GPR137C: variants seen among roughly 807,000 people sequenced by gnomAD.
GPR137C encodes integral membrane protein GPR137C.
Under a neutral mutation model 43.4 loss-of-function variants are expected in GPR137C, and 27 were observed. The ratio of observed to expected loss-of-function variants is 0.62; its 90% CI spans 0.46 to 0.86. The LOEUF (loss-of-function observed/expected upper bound fraction) is 0.86. Among genes scored for constraint, GPR137C ranks in the 40% least tolerant of loss-of-function variants. The pLI is 0.00. For missense variants in GPR137C, 522 were observed against 534.6 expected (o/e 0.98, Z 0.23); for synonymous variants, 285 against 226.9 (o/e 1.26, Z -2.30).
chr14:52,585,994 G>A (rs11624771), intron 1 of GPR137C, among the ~76,000 whole-genome samples: 13,634 of 152,196 alleles, frequency 0.09, 678 homozygotes, highest in South Asian at 0.15. Context: ...TGTTACCTGC[G>A]CATGCAGTGG....
chr14:52,615,722 C>T (rs1048325768), intron 3 of GPR137C, among the ~76,000 whole-genome samples: 2 of 152,016 alleles, frequency 1.3e-5, no homozygotes, highest in African/African-American at 4.8e-5. Flanking sequence ...TTATTTGTGG[C>T]TATTATAAAT....
At chr14:52,565,675 C>T (rs1420442487) in intron 1 of GPR137C, among the ~76,000 whole-genome samples, 1 of 152,144 alleles carries the variant, frequency 6.6e-6, no homozygotes, top group Non-Finnish European at 1.5e-5. Flanking sequence ...TTTCTTCTTT[C>T]CACCTCCACA....
At chr14:52,603,800 A>G (rs1339534496) in intron 3 of GPR137C, among the ~76,000 whole-genome samples, 1 of 151,994 alleles carries the variant, frequency 6.6e-6, no homozygotes, top group African/African-American at 2.4e-5. Flanking sequence ...CAGCCTCCCA[A>G]AGTGCTGGGA....
At chr14:52,593,913 T>C (rs7155844) in intron 1 of GPR137C, among the ~76,000 whole-genome samples, 7,132 of 152,246 alleles carry the variant, frequency 0.047, 407 homozygotes, top group East Asian at 0.16. Flanking sequence ...GTTCTTTTAA[T>C]TGTGATGTTA....
intron 3 of GPR137C, among the ~76,000 whole-genome samples, chr14:52,608,063 T>C (rs1442003848): frequency 1.3e-5 from 2 of 152,182 alleles, no homozygotes; most frequent in African/African-American, 4.8e-5. Context: ...TTAATCCATT[T>C]TGCCACTCTG....
chr14:52,634,152 A>T (rs78896503), intron 6 of GPR137C, among the ~76,000 whole-genome samples: 15 of 152,124 alleles, frequency 9.9e-5, no homozygotes, highest in African/African-American at 2.9e-4. Context: ...CTCAAAGCCT[A>T]TATGCCTTTT....
At chr14:52,609,463 T>C (rs962658629) in intron 3 of GPR137C, among the ~76,000 whole-genome samples, 8 of 152,200 alleles carry the variant, frequency 5.3e-5, no homozygotes, top group Non-Finnish European at 8.8e-5. Context: ...TCTTGATGCT[T>C]GTGGAAGTAT....
chr14:52,606,555 C>T (rs1456277512), intron 3 of GPR137C, among the ~76,000 whole-genome samples: 1 of 152,174 alleles, frequency 6.6e-6, no homozygotes, highest in African/African-American at 2.4e-5. Flanking sequence ...CCTCCCACCT[C>T]AGACTCCCAG....
rs12436857 is a variant in GPR137C at position 52,567,279 on chromosome 14, T to C, written c.444+13688T>C. Among the ~76,000 whole-genome samples the C allele has an allele frequency of 4.8e-3, 738 of 152,264 alleles. 14 individuals carry two copies. Among genetic ancestry groups the C allele is most frequent in the Admixed American group, 0.039 (598 of 15,296 alleles). On this transcript the variant is annotated intron_variant, in intron 1 of 6. Coordinates refer to ENST00000321662, the MANE Select transcript of GPR137C (RefSeq NM_001099652.2). ...CATGGGGTTGTGAAGTTAAATAGAATAATACTTTAAATAGCAGAACATAAT... is the reference window on the plus strand; with the variant it reads ...CATGGGGTTGTGAAGTTAAATAGAACAATACTTTAAATAGCAGAACATAAT...
At chr14:52,599,250 G>T (rs4901289) in intron 2 of GPR137C, among the ~76,000 whole-genome samples, 26,097 of 152,044 alleles carry the variant, frequency 0.17, 2,518 homozygotes, top group African/African-American at 0.26. Flanking sequence ...GTGCAGAGTT[G>T]CTCTTCATGC....
chr14:52,564,820 C>T (rs1165842361), intron 1 of GPR137C, among the ~76,000 whole-genome samples: 1 of 152,044 alleles, frequency 6.6e-6, no homozygotes, highest in Non-Finnish European at 1.5e-5. Flanking sequence ...AGTTCTTGTT[C>T]ACCATATCCC....
chr14:52,571,119 C>T (rs1211573525), intron 1 of GPR137C, among the ~76,000 whole-genome samples: 3 of 152,032 alleles, frequency 2.0e-5, no homozygotes, highest in South Asian at 2.1e-4. Flanking sequence ...TGCAAAAGAA[C>T]GGAAATCATA....
chr14:52,574,526 A>G (rs563235328), intron 1 of GPR137C, among the ~76,000 whole-genome samples: 6 of 152,152 alleles, frequency 3.9e-5, no homozygotes, highest in Non-Finnish European at 2.9e-5. Context: ...GAACACATGG[A>G]TACAGGGCGG....
chr14:52,612,160 T>G (rs1292092853), intron 3 of GPR137C: 2 of 983,640 alleles, frequency 2.0e-6, no homozygotes, highest in Non-Finnish European at 2.4e-6. Flanking sequence ...TTATTAAAAC[T>G]TGGCAATATG....
chr14:52,553,787 C>G (rs984979827), intron 1 of GPR137C, among the ~76,000 whole-genome samples, 196 bp downstream of exon 1: 4 of 152,182 alleles, frequency 2.6e-5, no homozygotes, highest in Non-Finnish European at 4.4e-5. Flanking sequence ...GGCTTGATTA[C>G]TGAGGGGTTC....
intron 1 of GPR137C, among the ~76,000 whole-genome samples, chr14:52,581,901 C>T (rs914168661): frequency 1.3e-5 from 2 of 152,090 alleles, no homozygotes; most frequent in African/African-American, 4.8e-5. Flanking sequence ...CATAGAAAAG[C>T]ATTTGTTCTA....
intron 1 of GPR137C, among the ~76,000 whole-genome samples, chr14:52,578,711 G>A (rs1346515485): frequency 5.9e-5 from 9 of 152,206 alleles, no homozygotes; most frequent in African/African-American, 1.7e-4. Context: ...TGAGGTGGGC[G>A]GATCACCTGA....
chr14:52,586,910 A>G (rs775752427), intron 1 of GPR137C, among the ~76,000 whole-genome samples: 19 of 152,182 alleles, frequency 1.2e-4, no homozygotes, highest in Non-Finnish European at 1.0e-4. Context: ...ACAGTCTTTT[A>G]ACTGGAATTC....
intron 1 of GPR137C, among the ~76,000 whole-genome samples, chr14:52,567,663 T>TTG (rs2139450563): frequency 1.1e-5 from 1 of 88,682 alleles, no homozygotes; most frequent in Admixed American, 1.1e-4. Flanking sequence ...TTTTTTTTGG[T>TTG]TTTTTTTTTT....
Sources: allele counts gnomAD v4.1 joint callset (sites outside exome capture counted in the v4.1 genomes callset), GRCh38; gene constraint gnomAD v4.1.1; transcripts MANE v1.5; gene names NCBI Gene and HGNC (gene_info 2026-07-23, HGNC 2026-07-21).